HLCS: variants seen among roughly 807,000 people sequenced by gnomAD.
The protein encoded by HLCS is holocarboxylase synthetase.
HLCS carries 53 observed loss-of-function variants against 75.0 expected under a neutral mutation model. The observed-to-expected ratio is 0.71, with a 90% CI of 0.57 to 0.89. The LOEUF (loss-of-function observed/expected upper bound fraction) is 0.89. HLCS is among the 40% of genes least tolerant of loss of function. HLCS has a pLI of 0.00. For synonymous variants in HLCS, 431 were observed against 428.6 expected (o/e 1.01, Z -0.07); for missense variants, 966 against 1,074.0 (o/e 0.90, Z 1.41).
intron 5 of HLCS, among the ~76,000 whole-genome samples, chr21:36,911,516 G>A (rs199817943): frequency 1.5e-4 from 23 of 152,112 alleles, no homozygotes; most frequent in African/African-American, 4.8e-4. Flanking sequence ...AGGCTGAGGC[G>A]GGCGGATCAC....
chr21:36,799,354 C>T (rs13047322), intron 6 of HLCS, among the ~76,000 whole-genome samples: 37,113 of 152,184 alleles, frequency 0.24, 4,707 homozygotes, highest in Non-Finnish European at 0.26. Context: ...TGGACACTTA[C>T]CCTGTTCCAT....
chr21:36,818,285 T>C (rs1211218021), intron 6 of HLCS, among the ~76,000 whole-genome samples: 1 of 152,214 alleles, frequency 6.6e-6, no homozygotes, highest in Non-Finnish European at 1.5e-5. Flanking sequence ...AAGTTAATCC[T>C]ATTTCTAAAG....
intron 6 of HLCS, among the ~76,000 whole-genome samples, chr21:36,770,669 C>G (rs1248160868): frequency 1.3e-5 from 2 of 151,406 alleles, no homozygotes; most frequent in East Asian, 1.9e-4. Context: ...CTCCAGGGCT[C>G]AAGGGATCCT....
intron 1 of HLCS, among the ~76,000 whole-genome samples, chr21:36,981,767 G>A (rs2069126564): frequency 6.6e-6 from 1 of 152,010 alleles, no homozygotes; most frequent in Non-Finnish European, 1.5e-5. Flanking sequence ...TCCTAATTCT[G>A]CCACTGGAAC....
At chr21:36,990,027 C>T (rs952838593) in intron 1 of HLCS, 4 of 152,302 alleles carry the variant, frequency 2.6e-5, no homozygotes, top group African/African-American at 7.2e-5. Flanking sequence ...CGGCTGCAGC[C>T]CCGAGGCCTC....
chr21:36,781,223 C>T (rs912406283), intron 6 of HLCS, among the ~76,000 whole-genome samples: 5 of 147,984 alleles, frequency 3.4e-5, no homozygotes, highest in African/African-American at 1.3e-4. Flanking sequence ...TGCCATTGCA[C>T]TCCAGCCTAG....
At chr21:36,760,099 C>T (rs2089771487) in intron 8 of HLCS, among the ~76,000 whole-genome samples, 1 of 152,168 alleles carries the variant, frequency 6.6e-6, no homozygotes, top group South Asian at 2.1e-4. Context: ...TCTCATCATC[C>T]AAAACCCTTT....
At position 36,961,308 on chromosome 21, in the gene HLCS, C is replaced by T. The variant is rs527344576; in HGVS notation, c.330+728G>A. Reference sequence around the variant, plus strand: ...TGAGATGACCTGAGAGAGAGTGCTGCTCAATAAAAATATAACGTGAGCCAC... The same window carrying T: ...TGAGATGACCTGAGAGAGAGTGCTGTTCAATAAAAATATAACGTGAGCCAC... On this transcript the variant is annotated intron_variant, in intron 2 of 10. Transcript: ENST00000674895. 5.3e-5 allele frequency among the ~76,000 whole-genome samples: 8 copies of T among 152,252 alleles called. No individual in the cohort carries two copies. In the East Asian group the frequency reaches 1.5e-3, roughly 29 times the overall value.
chr21:36,824,131 A>C (rs986244783), intron 6 of HLCS, among the ~76,000 whole-genome samples: 16 of 152,226 alleles, frequency 1.1e-4, no homozygotes, highest in African/African-American at 3.6e-4. Context: ...AATACAAAAA[A>C]AGTGCACACA....
In HLCS at chr21:36,751,039, T is replaced by C. The variant is rs1306038151; in HGVS notation, c.*3207A>G. 1 of 152,054 alleles carries C rather than the reference T, an allele frequency of 6.6e-6. No homozygotes were observed. Among genetic ancestry groups the C allele is most frequent in the East Asian group, 1.9e-4 (1 of 5,200 alleles). 9.4% of individuals were successfully genotyped at this position (152,054 alleles called of 1,614,324 possible). A position where few individuals can be genotyped will look rare whatever the true frequency, so the allele number is the denominator to read the frequency against. On this transcript the variant is annotated 3_prime_UTR_variant, in exon 11 of 11. Coordinates refer to ENST00000674895, the MANE Select transcript of HLCS (RefSeq NM_001352514.2). Reference sequence around the variant, plus strand: ...TACGTCAAAAAAAAAAACACTTGGCTTCTTAATACTTGGAAATACGTACAT... The same window carrying C: ...TACGTCAAAAAAAAAAACACTTGGCCTCTTAATACTTGGAAATACGTACAT...
At chr21:36,761,216 T>C (rs1449453994) in intron 8 of HLCS, among the ~76,000 whole-genome samples, 1 of 152,216 alleles carries the variant, frequency 6.6e-6, no homozygotes, top group Admixed American at 6.5e-5. Context: ...CCTGAGGTTA[T>C]AGCACTTGAA....
intron 6 of HLCS, among the ~76,000 whole-genome samples, chr21:36,776,814 T>C (rs2060374681): frequency 6.6e-6 from 1 of 152,250 alleles, no homozygotes; most frequent in Non-Finnish European, 1.5e-5. Flanking sequence ...CTGTGCTCAA[T>C]TGCTCAAACC....
At chr21:36,860,199 T>C (rs1039798173) in intron 6 of HLCS, among the ~76,000 whole-genome samples, 4 of 152,240 alleles carry the variant, frequency 2.6e-5, no homozygotes, top group African/African-American at 9.6e-5. Context: ...TAGGCATTAC[T>C]ATTCCTTTTT....
At chr21:36,791,643 G>A (rs1164911534) in intron 6 of HLCS, among the ~76,000 whole-genome samples, 3 of 152,086 alleles carry the variant, frequency 2.0e-5, no homozygotes, top group Non-Finnish European at 4.4e-5. Context: ...GAGAAATAGG[G>A]GGTGATGGGG....
chr21:36,975,489 A>G (rs1168424928), intron 1 of HLCS, among the ~76,000 whole-genome samples: 1 of 151,964 alleles, frequency 6.6e-6, no homozygotes, highest in Non-Finnish European at 1.5e-5. Flanking sequence ...CGCTCATCCC[A>G]TCACTCCTGC....
intron 5 of HLCS, among the ~76,000 whole-genome samples, chr21:36,899,380 T>C (rs993818896): frequency 6.6e-6 from 1 of 151,964 alleles, no homozygotes; most frequent in Non-Finnish European, 1.5e-5. Context: ...TCCCAACACT[T>C]TGGGAGGCTG....
chr21:36,984,293 T>C (rs981107512), intron 1 of HLCS, among the ~76,000 whole-genome samples: 5 of 152,160 alleles, frequency 3.3e-5, no homozygotes, highest in Non-Finnish European at 7.3e-5. Flanking sequence ...TCCTATTACT[T>C]ACCTATGACA....
rs1464046978 is a variant in HLCS, at chr21:36,759,738, T to C, written c.2225A>G (p.Tyr742Cys). The C allele has an allele frequency of 3.2e-6, 5 of 1,585,490 alleles. No homozygotes were observed. Among genetic ancestry groups the C allele is most frequent in the South Asian group, 1.1e-5 (1 of 90,518 alleles). ...VNSTLMGETFYILIGCGFNVT... is the reference protein window; with the variant it reads ...VNSTLMGETFCILIGCGFNVT... ...TTTTTGAAACTTACCAATAAGTATA[T>C]AAAATGTTTCTCCCATGAGTGTTGA... is the stretch of plus-strand genomic sequence containing the variant. The change falls in exon 9 of 11, where the codon TAT (tyrosine) becomes TGT (cysteine). Residue 742 changes from tyrosine to cysteine, a missense_variant. Transcript: ENST00000674895.
At chr21:36,925,869 A>G (rs1477549282) in intron 5 of HLCS, among the ~76,000 whole-genome samples, 3 of 152,274 alleles carry the variant, frequency 2.0e-5, no homozygotes, top group Admixed American at 1.3e-4. Context: ...ATCAGATTCG[A>G]TAGAAAATAA....
Sources: gnomAD v4.1 joint callset for allele counts (sites outside exome capture counted in the v4.1 genomes callset) on GRCh38, gnomAD v4.1.1 for gene constraint, MANE v1.5 for transcripts, NCBI Gene and HGNC (gene_info 2026-07-23, HGNC 2026-07-21) for gene names.